The following DST variants were observed in gnomAD, a reference collection of about 807,000 sequenced individuals.
DST encodes dystonin.
A neutral mutation model predicts 875.2 loss-of-function variants in DST; 253 were observed. The ratio of observed to expected loss-of-function variants is 0.29; its 90% CI spans 0.26 to 0.32. The LOEUF is 0.32. Among genes scored for constraint, DST ranks in the 10% least tolerant of loss-of-function variants. DST has a pLI of 1.00. For synonymous variants in DST, 3,124 were observed against 3,197.1 expected (o/e 0.98, Z 0.77); for missense variants, 8,287 against 9,111.6 (o/e 0.91, Z 3.68).
intron 61 of DST, among the ~76,000 whole-genome samples, chr6:56,549,227 A>G (rs1418168754): frequency 6.6e-6 from 1 of 152,124 alleles, no homozygotes; most frequent in African/African-American, 2.4e-5. Context: ...TATTAAGAAA[A>G]ACTATTATAG....
intron 34 of DST, 38 bp from the exon 35 acceptor site, chr6:56,625,302 C>T: frequency 7.9e-7 from 1 of 1,264,404 alleles, no homozygotes; most frequent in South Asian, 1.2e-5. Context: ...TGAATTGAAG[C>T]AAAGTACTAG....
At chr6:56,901,074 C>A (rs775296421) in intron 2 of DST, among the ~76,000 whole-genome samples, 3 of 152,016 alleles carry the variant, frequency 2.0e-5, no homozygotes, top group Non-Finnish European at 4.4e-5. Context: ...AGCAGGAATG[C>A]CAATCATCAC....
intron 2 of DST, among the ~76,000 whole-genome samples, chr6:56,938,108 C>CTCTCTATATATATATATATA (rs1383243392): frequency 8.3e-6 from 1 of 120,728 alleles, no homozygotes; most frequent in African/African-American, 3.5e-5. Flanking sequence ...CTCTCTCTCT[C>CTCTCTATATATATATATATA]TATATATATA....
chr6:56,837,612 C>A (rs2099795242), intron 4 of DST, among the ~76,000 whole-genome samples: 1 of 152,174 alleles, frequency 6.6e-6, no homozygotes, highest in East Asian at 1.9e-4. Context: ...TACAGCATAA[C>A]CCTCCATCAT....
chr6:56,729,467 G>A (rs1438798638), intron 5 of DST, among the ~76,000 whole-genome samples: 1 of 152,162 alleles, frequency 6.6e-6, no homozygotes, highest in Non-Finnish European at 1.5e-5. Flanking sequence ...GCACATGCCT[G>A]TAATCCCAGC....
chr6:56,862,314 T>A (rs1771635115), intron 3 of DST, among the ~76,000 whole-genome samples: 1 of 152,140 alleles, frequency 6.6e-6, no homozygotes, highest in Middle Eastern at 3.2e-3. Context: ...GGGAATGTAT[T>A]TCCTTTCTTG....
chr6:56,898,155 G>C (rs1218367119), intron 3 of DST, among the ~76,000 whole-genome samples: 1 of 152,048 alleles, frequency 6.6e-6, no homozygotes, highest in Non-Finnish European at 1.5e-5. Context: ...CTCCTTTTTT[G>C]CTGGGGTAGC....
intron 9 of DST, chr6:56,693,179 A>T (rs2099243684): frequency 1.6e-6 from 2 of 1,246,148 alleles, no homozygotes; most frequent in South Asian, 1.4e-5. Context: ...AGCTCCATAG[A>T]TTCACTCATT....
intron 9 of DST, among the ~76,000 whole-genome samples, chr6:56,698,202 CT>C (rs1263769937): frequency 1.3e-5 from 2 of 152,090 alleles, no homozygotes; most frequent in Non-Finnish European, 2.9e-5. Context: ...CTAGACCTAC[CT>C]AGACTCTGAT....
rs187089165 is a variant in DST at position 56,602,965 on chromosome 6, C to T, written c.11224G>A (p.Glu3742Lys). 37 of 1,597,500 alleles carry T rather than the reference C, an allele frequency of 2.3e-5. No homozygotes were observed. Among genetic ancestry groups the T allele is most frequent in the Non-Finnish European group, 3.1e-5 (37 of 1,175,290 alleles). ...ATATCCTTCACAGATTTGCTCTTCT[C>T]TGATACCCAATCTGAGAATGACTTA... is the stretch of plus-strand genomic sequence containing the variant. The part of the protein sequence containing the change: ...KLKSFSDWVS[E>K]KSKSVKDIEI... The change falls in exon 43 of 104, where the codon GAG becomes AAG. Residue 3742 changes from glutamate (E) to lysine (K), a missense_variant. Physicochemically the swap from Glu to Lys is moderately conservative, Grantham distance 56. Coordinates refer to ENST00000680361, the MANE Select transcript of DST (RefSeq NM_001374736.1).
chr6:56,946,931 C>T (rs1215227858), intron 2 of DST, among the ~76,000 whole-genome samples: 1 of 152,100 alleles, frequency 6.6e-6, no homozygotes, highest in Non-Finnish European at 1.5e-5. Flanking sequence ...AATGAATTAC[C>T]TGCAAATTTA....
intron 55 of DST, among the ~76,000 whole-genome samples, chr6:56,565,143 C>T (rs375974382): frequency 8.4e-5 from 11 of 131,540 alleles, no homozygotes; most frequent in South Asian, 2.4e-4. Context: ...TTTTTTGTGA[C>T]GGAGTATTGC....
chr6:56,816,083 T>A (rs560847016), intron 4 of DST, among the ~76,000 whole-genome samples: 2 of 152,244 alleles, frequency 1.3e-5, no homozygotes, highest in African/African-American at 4.8e-5. Flanking sequence ...GTACAAAGCA[T>A]CTCTGATCAA....
At position 56,464,461 on chromosome 6, in the gene DST, C is replaced by T. The variant is rs148880490; in HGVS notation, c.22759+224G>A. 1.6e-4 allele frequency: 88 copies of T among 550,706 alleles called. 1 individual carries two copies. The South Asian group carries it at 1.7e-3, about 11-fold the overall frequency. The allele number at this position is 550,706 out of a possible 1,614,324, so 34.1% of individuals were successfully genotyped here. On this transcript the variant is annotated intron_variant, in intron 100 of 103. Transcript: ENST00000680361. ...CACTCCACAAGAACCCGGTGAGCAACGTGTTAGCATGTGTTTGATCACTTA... is the reference window on the plus strand; with the variant it reads ...CACTCCACAAGAACCCGGTGAGCAATGTGTTAGCATGTGTTTGATCACTTA...
chr6:56,482,961 A>G, intron 88 of DST, 84 bp from the exon 89 acceptor site: 1 of 1,036,172 alleles, frequency 9.7e-7, no homozygotes, highest in Non-Finnish European at 1.3e-6. Context: ...ATATGTGCAC[A>G]TAACATCATG....
At chr6:56,791,857 T>C (rs1013428001) in intron 4 of DST, among the ~76,000 whole-genome samples, 1 of 150,878 alleles carries the variant, frequency 6.6e-6, no homozygotes, top group Non-Finnish European at 1.5e-5. Context: ...TGAAAGGGTA[T>C]GGATATAATC....
At chr6:56,713,850 T>C (rs1430395581) in intron 5 of DST, among the ~76,000 whole-genome samples, 3 of 152,200 alleles carry the variant, frequency 2.0e-5, no homozygotes, top group Admixed American at 2.0e-4. Context: ...TCTGATACTT[T>C]CAGATACTTT....
intron 2 of DST, among the ~76,000 whole-genome samples, chr6:56,947,935 T>TATG (rs1012406718): frequency 2.0e-5 from 3 of 152,250 alleles, no homozygotes; most frequent in African/African-American, 4.8e-5. Flanking sequence ...CTATACATAC[T>TATG]ATGTTTTTTT....
intron 49 of DST, among the ~76,000 whole-genome samples, chr6:56,588,938 A>G (rs758330696): frequency 1.3e-5 from 2 of 152,202 alleles, no homozygotes; most frequent in African/African-American, 2.4e-5. Flanking sequence ...TGTAAAAAAA[A>G]ATCCCTCAAG....
Sources: allele counts gnomAD v4.1 joint callset (sites outside exome capture counted in the v4.1 genomes callset), GRCh38; gene constraint gnomAD v4.1.1; transcripts MANE v1.5; gene names NCBI Gene and HGNC (gene_info 2026-07-23, HGNC 2026-07-21).